The following HCN1 variants were observed in gnomAD, a reference collection of about 807,000 sequenced individuals.
HCN1 encodes potassium/sodium hyperpolarization-activated cyclic nucleotide-gated channel 1.
HCN1 carries 13 observed loss-of-function variants against 78.9 expected under a neutral mutation model. That is an observed-to-expected ratio of 0.16 (90% confidence interval 0.11 to 0.26). The LOEUF is 0.26. Among genes scored for constraint, HCN1 ranks in the 10% least tolerant of loss-of-function variants. HCN1 has a pLI of 1.00. For synonymous variants in HCN1, 552 were observed against 455.5 expected (o/e 1.21, Z -2.70); for missense variants, 810 against 1,154.3 (o/e 0.70, Z 4.32).
intron 6 of HCN1, among the ~76,000 whole-genome samples, chr5:45,299,031 C>T (rs569577822): frequency 2.0e-5 from 3 of 152,070 alleles, no homozygotes; most frequent in Admixed American, 6.6e-5. Flanking sequence ...GAGGGACGTT[C>T]TACAAGATAC....
chr5:45,352,981 C>CA lies in HCN1; in HGVS notation c.1377+118dup, dbSNP rs1296565408. The CA allele has an allele frequency of 3.7e-5, 30 of 816,232 alleles. 1 individual carries two copies. Among genetic ancestry groups the CA allele is most frequent in the Non-Finnish European group, 5.5e-5 (28 of 506,736 alleles). The allele number at this position is 816,232 out of a possible 1,614,324, so 50.6% of individuals were successfully genotyped here. On this transcript the variant is annotated intron_variant, in intron 5 of 7. Transcript: ENST00000303230. ...GGTGAGAAGCTAAAGAAGATAAGGA[C>CA]AAAATATCTTAATAAGTTTAGGTTT...
At chr5:45,421,998 C>G (rs891620391) in intron 3 of HCN1, among the ~76,000 whole-genome samples, 10 of 152,208 alleles carry the variant, frequency 6.6e-5, no homozygotes, top group African/African-American at 1.9e-4. Context: ...ACTCTCTGAT[C>G]TTTTCCCACT....
chr5:45,488,693 A>C (rs962604998), intron 2 of HCN1, among the ~76,000 whole-genome samples: 1 of 152,200 alleles, frequency 6.6e-6, no homozygotes, highest in African/African-American at 2.4e-5. Context: ...AGTCCTACTG[A>C]GAAAGATGTA....
At chr5:45,469,254 G>A (rs74398493) in intron 2 of HCN1, among the ~76,000 whole-genome samples, 4,626 of 151,934 alleles carry the variant, frequency 0.03, 275 homozygotes, top group African/African-American at 0.1. Flanking sequence ...CAGGAAAAAC[G>A]AAAGAGCAAG....
intron 5 of HCN1, among the ~76,000 whole-genome samples, chr5:45,329,412 A>G (rs917250056): frequency 6.6e-6 from 1 of 151,470 alleles, no homozygotes; most frequent in Non-Finnish European, 1.5e-5. Context: ...TCACTCAGAG[A>G]AAGAGTGGTG....
chr5:45,586,965 A>G (rs2111935911), intron 2 of HCN1, among the ~76,000 whole-genome samples: 1 of 152,330 alleles, frequency 6.6e-6, no homozygotes, highest in Middle Eastern at 3.4e-3. Context: ...GTTGGCTATA[A>G]TCATTCCATT....
intron 4 of HCN1, among the ~76,000 whole-genome samples, chr5:45,390,937 T>A (rs2112034804): frequency 6.6e-6 from 1 of 152,276 alleles, no homozygotes; most frequent in Admixed American, 6.5e-5. Context: ...ATTGTCACAC[T>A]GGTGTTTTCC....
intron 3 of HCN1, among the ~76,000 whole-genome samples, chr5:45,419,367 A>G (rs1001429242): frequency 3.3e-5 from 5 of 152,186 alleles, no homozygotes; most frequent in African/African-American, 1.2e-4. Context: ...GACAAAAAGA[A>G]GCACACAAGA....
Position 45,276,274 on chromosome 5 carries a change from A to T in HCN1, c.1619-9021T>A, listed in dbSNP as rs1014229070. Among the ~76,000 whole-genome samples, 3 of 152,042 alleles carry T rather than the reference A, an allele frequency of 2.0e-5. No homozygotes were observed. The East Asian group carries it at 5.8e-4, about 29-fold the overall frequency. Reference sequence around the variant, plus strand: ...CAACATTTAAACATGCATTTCCTCTATTTGTTTAATGCAAAAATTCATTCA... The same window carrying T: ...CAACATTTAAACATGCATTTCCTCTTTTTGTTTAATGCAAAAATTCATTCA... On this transcript the variant is annotated intron_variant, in intron 6 of 7. Transcript: ENST00000303230.
At chr5:45,656,350 T>TTGTTTATAAGAA (rs1580023881) in intron 1 of HCN1, among the ~76,000 whole-genome samples, 1 of 152,100 alleles carries the variant, frequency 6.6e-6, no homozygotes, top group African/African-American at 2.4e-5. Context: ...CATGAACAAA[T>TTGTTTATAAGAA]CAATAATGTC....
intron 2 of HCN1, among the ~76,000 whole-genome samples, chr5:45,548,745 C>A (rs1046928735): frequency 2.6e-5 from 4 of 152,120 alleles, no homozygotes; most frequent in East Asian, 3.9e-4. Context: ...ACATAGAAAA[C>A]CCCATTGTCT....
intron 6 of HCN1, among the ~76,000 whole-genome samples, chr5:45,290,075 T>C (rs950445321): frequency 6.6e-6 from 1 of 151,922 alleles, no homozygotes; most frequent in African/African-American, 2.4e-5. Flanking sequence ...TGCACTGTTC[T>C]TGTGACAGTG....
intron 6 of HCN1, among the ~76,000 whole-genome samples, chr5:45,284,652 T>A (rs1226465519): frequency 1.3e-5 from 2 of 152,114 alleles, no homozygotes; most frequent in African/African-American, 4.8e-5. Context: ...AGGAGCTGAA[T>A]GCTGCTTTAA....
chr5:45,610,569 A>G (rs1335316186), intron 2 of HCN1, among the ~76,000 whole-genome samples: 1 of 149,556 alleles, frequency 6.7e-6, no homozygotes, highest in African/African-American at 2.4e-5. Flanking sequence ...GTATATATGT[A>G]TATATGATTA....
At chr5:45,432,344 G>T (rs951780110) in intron 3 of HCN1, among the ~76,000 whole-genome samples, 1 of 151,998 alleles carries the variant, frequency 6.6e-6, no homozygotes, top group African/African-American at 2.4e-5. Flanking sequence ...AGAGTCTATG[G>T]GGTTCTCTAG....
At chr5:45,515,073 A>C (rs1293286347) in intron 2 of HCN1, among the ~76,000 whole-genome samples, 1 of 152,008 alleles carries the variant, frequency 6.6e-6, no homozygotes, top group African/African-American at 2.4e-5. Flanking sequence ...GTATGCCTAC[A>C]AAACTTTTTC....
At chr5:45,578,550 T>A (rs1163261629) in intron 2 of HCN1, among the ~76,000 whole-genome samples, 2 of 152,052 alleles carry the variant, frequency 1.3e-5, no homozygotes, top group Admixed American at 1.3e-4. Flanking sequence ...TGTCACACTG[T>A]CTTTAAGCCA....
At chr5:45,273,627 G>C (rs1331752148) in intron 6 of HCN1, among the ~76,000 whole-genome samples, 2 of 152,108 alleles carry the variant, frequency 1.3e-5, no homozygotes, top group East Asian at 3.8e-4. Flanking sequence ...GGGCAAAACT[G>C]TACTTAGCTT....
Position 45,543,678 on chromosome 5 carries a change from T to C in HCN1, c.850-81671A>G, listed in dbSNP as rs1050884363. 2.0e-5 allele frequency among the ~76,000 whole-genome samples: 3 copies of C among 152,076 alleles called. No homozygotes were observed. The South Asian group carries it at 6.2e-4, about 31-fold the overall frequency. On this transcript the variant is annotated intron_variant, in intron 2 of 7. Coordinates refer to ENST00000303230, the MANE Select transcript of HCN1 (RefSeq NM_021072.4). ...GAATATCAAGGAAGTACAGCTTCCA[T>C]ACAATGTGTATTAAATCACTGAGGT...
Sources: allele counts gnomAD v4.1 joint callset (sites outside exome capture counted in the v4.1 genomes callset), GRCh38; gene constraint gnomAD v4.1.1; transcripts MANE v1.5; gene names NCBI Gene and HGNC (gene_info 2026-07-23, HGNC 2026-07-21).